The following SULF2 variants were observed in gnomAD, a reference collection of about 807,000 sequenced individuals.
SULF2 encodes sulfatase 2.
A neutral mutation model predicts 107.7 loss-of-function variants in SULF2; 52 were observed. That is an observed-to-expected ratio of 0.48 (90% CI 0.39 to 0.61). SULF2 has a LOEUF of 0.61. SULF2 is among the 20% of genes least tolerant of loss of function. The pLI, the probability that SULF2 is intolerant of heterozygous loss-of-function variation, is 0.00. For missense variants in SULF2, 993 were observed against 1,177.3 expected, an observed-to-expected ratio of 0.84 and a Z score of 2.29; for synonymous variants, 460 against 464.3, an observed-to-expected ratio of 0.99 and a Z score of 0.12.
chr20:47,723,219 G>A (rs1368783349), intron 3 of SULF2, among the ~76,000 whole-genome samples: 1 of 151,752 alleles, frequency 6.6e-6, no homozygotes, highest in Non-Finnish European at 1.5e-5. Flanking sequence ...ACTCCAGCCT[G>A]GGTGGCAGAG....
chr20:47,772,340 G>T (rs538615858), intron 1 of SULF2, among the ~76,000 whole-genome samples: 178 of 152,318 alleles, frequency 1.2e-3, no homozygotes, highest in African/African-American at 4.1e-3. Flanking sequence ...TACCCCAGTT[G>T]TGACAATCAA....
chr20:47,752,763 CAAATA>C (rs1355889463), intron 2 of SULF2, among the ~76,000 whole-genome samples: 1 of 150,478 alleles, frequency 6.6e-6, no homozygotes, highest in Non-Finnish European at 1.5e-5. Flanking sequence ...AAAATATAAA[CAAATA>C]AAAATAAAGA....
In SULF2 at chr20:47,678,550, G is replaced by A. The variant is rs2146481273; in HGVS notation, c.1193+126C>T. On this transcript the variant is annotated intron_variant, in intron 8 of 20. Transcript: ENST00000688720. This position sits in a 1 kb window ranked among gnomAD's most constrained non-coding sequence, Gnocchi z 4.5. ...CCACAGCAGGTAAGTGGTTGGCATG[G>A]CGGGACCTGAGAACCCCAGCTCCCG... 7.7e-6 allele frequency: 8 copies of A among 1,038,022 alleles called. No homozygotes were observed. Among genetic ancestry groups the A allele is most frequent in the Middle Eastern group, 3.1e-4 (1 of 3,202 alleles). The allele number at this position is 1,038,022 out of a possible 1,614,324, so 64.3% of individuals were successfully genotyped here. A position where few individuals can be genotyped will look rare whatever the true frequency, so the allele number is the denominator to read the frequency against.
At chr20:47,699,833 G>A (rs1032680858) in intron 4 of SULF2, among the ~76,000 whole-genome samples, 1 of 152,230 alleles carries the variant, frequency 6.6e-6, no homozygotes, top group Non-Finnish European at 1.5e-5. Context: ...TGGGCCCACA[G>A]TTCTACCTGG....
intron 11 of SULF2, among the ~76,000 whole-genome samples, chr20:47,667,215 A>G (rs1017784528): frequency 2.0e-5 from 3 of 152,214 alleles, no homozygotes; most frequent in Non-Finnish European, 4.4e-5. Flanking sequence ...GGGGCCCTGC[A>G]GTGCCTGTCT....
rs57254215 is a variant in SULF2, at chr20:47,732,189, C to A, written c.415+4514G>T. Among the ~76,000 whole-genome samples the A allele has an allele frequency of 6.1e-3, 924 of 152,322 alleles. 9 individuals carry two copies. The highest frequency in any genetic ancestry group is 0.021 in the African/African-American group (861 of 41,560). ...GGAATTACAGGTGTGAGCCACTGCA[C>A]CCAGCCATCATTGCTAAATTTCCCA... On this transcript the variant is annotated intron_variant, in intron 3 of 20. Transcript: ENST00000688720.
rs368790693 is a variant in SULF2, at chr20:47,690,153, C to T, written c.710G>A (p.Arg237His). ...GTGCTGAGATGCGTTTGGGAAGAGG[C>T]GTGAATATTGTGGGGCTGAATCCTC... is the stretch of plus-strand genomic sequence containing the variant. ...GPEDSAPQYS[R>H]LFPNASQHIT... is the part of the protein sequence containing the mutation. Residue 237 changes from arginine (R) to histidine (H), a missense_variant, in exon 5 of 21, where the codon CGC (arginine) becomes CAC (histidine). By Grantham distance (29) the Arg-to-His change is conservative. This residue lies in a region of SULF2 where 388 missense variants were observed against 449.2 expected (regional missense o/e 0.86). Transcript: ENST00000688720. 1.4e-4 allele frequency: 208 copies of T among 1,530,712 alleles called. 1 individual carries two copies. The highest frequency in any genetic ancestry group is 4.1e-4 in the African/African-American group (30 of 72,320). 94.8% of individuals were successfully genotyped at this position (1,530,712 alleles called of 1,614,324 possible). A position where few individuals can be genotyped will look rare whatever the true frequency, so the allele number is the denominator to read the frequency against.
At chr20:47,761,151 G>A (rs896104134) in intron 1 of SULF2, among the ~76,000 whole-genome samples, 4 of 152,142 alleles carry the variant, frequency 2.6e-5, no homozygotes, top group African/African-American at 9.7e-5. Flanking sequence ...GCTGTCCTGC[G>A]TCAGGCACTC....
intron 1 of SULF2, among the ~76,000 whole-genome samples, chr20:47,779,501 C>T (rs6125113): frequency 4.6e-5 from 7 of 152,212 alleles, no homozygotes; most frequent in Admixed American, 3.3e-4. Flanking sequence ...CCCGGTGATA[C>T]CACTTCCATC....
rs1197410532 is a variant in SULF2 at position 47,698,350 on chromosome 20, AT to A, written c.567+4168del. 3.9e-5 allele frequency among the ~76,000 whole-genome samples: 6 copies of A among 152,318 alleles called. No individual in the cohort carries two copies. The East Asian group carries it at 1.2e-3, about 29-fold the overall frequency. Reference sequence around the variant, plus strand: ...TGACTTATAGTCCAGGGAACCAGGCATCCTCCTGGCCACTCTGATTGGCTCA... The same window carrying A: ...TGACTTATAGTCCAGGGAACCAGGCACCTCCTGGCCACTCTGATTGGCTCA... On this transcript the variant is annotated intron_variant, in intron 4 of 20. Coordinates refer to ENST00000688720, the MANE Select transcript of SULF2 (RefSeq NM_001387048.1).
At chr20:47,705,804 CT>C (rs34029135) in intron 3 of SULF2, among the ~76,000 whole-genome samples, 134 of 137,480 alleles carry the variant, frequency 9.7e-4, no homozygotes, top group Middle Eastern at 3.7e-3. Context: ...CTTTTCTTTT[CT>C]TTTTTTTTTT....
intron 2 of SULF2, among the ~76,000 whole-genome samples, chr20:47,755,664 G>C (rs1338425567): frequency 6.6e-6 from 1 of 152,168 alleles, no homozygotes; most frequent in Non-Finnish European, 1.5e-5. Context: ...GCCTCTGAAT[G>C]AGTGTCCTGT....
chr20:47,661,632 G>C, intron 18 of SULF2, 141 bp downstream of exon 18: 2 of 816,912 alleles, frequency 2.4e-6, no homozygotes, highest in Non-Finnish European at 3.5e-6. Context: ...ATGGACAGGG[G>C]CTCCCATGAC....
intron 3 of SULF2, among the ~76,000 whole-genome samples, chr20:47,726,110 A>G (rs1356705725): frequency 6.6e-6 from 1 of 152,146 alleles, no homozygotes; most frequent in Non-Finnish European, 1.5e-5. Context: ...GCACTCACCT[A>G]AAGTTCGACA....
Position 47,664,197 on chromosome 20 carries a change from A to G in SULF2, c.1998-8T>C, listed in dbSNP as rs1453831492. 3 of 1,609,662 alleles carry G rather than the reference A, an allele frequency of 1.9e-6. No individual in the cohort carries two copies. The highest frequency in any genetic ancestry group is 2.5e-6 in the Non-Finnish European group (3 of 1,178,422). Reference sequence around the variant, plus strand: ...TTGTGCTGGGTGTGGTAGCTGTAACAGACCCCCCCAGCCCCAGGCTTCAGG... The same window carrying G: ...TTGTGCTGGGTGTGGTAGCTGTAACGGACCCCCCCAGCCCCAGGCTTCAGG... On this transcript the variant is annotated splice_region_variant and splice_polypyrimidine_tract_variant and intron_variant, in intron 14 of 20. Coordinates refer to ENST00000688720, the MANE Select transcript of SULF2 (RefSeq NM_001387048.1).
chr20:47,718,467 CA>C (rs1188070628), intron 3 of SULF2, among the ~76,000 whole-genome samples: 5 of 152,164 alleles, frequency 3.3e-5, no homozygotes, highest in African/African-American at 4.8e-5. Context: ...ATTAAAGCAG[CA>C]AAAAACCTGC....
chr20:47,719,087 C>T (rs34297325), intron 3 of SULF2, among the ~76,000 whole-genome samples: 20,317 of 152,224 alleles, frequency 0.13, 1,802 homozygotes, highest in Middle Eastern at 0.25. Flanking sequence ...ATGGGAATTA[C>T]GGATATTTTC....
At chr20:47,681,044 C>G (rs1014321333) in intron 7 of SULF2, among the ~76,000 whole-genome samples, 3 of 152,212 alleles carry the variant, frequency 2.0e-5, no homozygotes, top group Non-Finnish European at 4.4e-5. Flanking sequence ...GTCTTCTGTT[C>G]AAAGCAGTTT....
chr20:47,746,029 TG>T (rs1340663745), intron 2 of SULF2, among the ~76,000 whole-genome samples: 2 of 152,230 alleles, frequency 1.3e-5, no homozygotes, highest in Non-Finnish European at 2.9e-5. Context: ...TGCAAAGACC[TG>T]GCTTTGATGG....
Sources: allele counts gnomAD v4.1 joint callset (sites outside exome capture counted in the v4.1 genomes callset), GRCh38; gene constraint gnomAD v4.1.1; regional missense constraint gnomAD v4.1.1; non-coding constraint Gnocchi (gnomAD v3.1); transcripts MANE v1.5; gene names NCBI Gene and HGNC (gene_info 2026-07-23, HGNC 2026-07-21).